Variants in NLRC5 observed in about 807,000 individuals in gnomAD.
NLRC5 encodes protein NLRC5.
Under a neutral mutation model 206.9 loss-of-function variants are expected in NLRC5, and 114 were observed. That is an observed-to-expected ratio of 0.55 (90% confidence interval 0.47 to 0.64). The LOEUF is 0.64. Ranked by LOEUF, NLRC5 falls within the 30% of genes least tolerant of loss-of-function variation. The probability of loss-of-function intolerance (pLI) is 0.00; values close to 1 mark genes in which losing one functional copy is unlikely to be tolerated. For synonymous variants in NLRC5, 952 were observed against 962.8 expected (o/e 0.99, Z 0.21); for missense variants, 2,008 against 2,305.5 (o/e 0.87, Z 2.64).
At chr16:57,043,458 A>G (rs1471589215) in intron 19 of NLRC5, 57 bp from the exon 20 acceptor site, 1 of 1,339,552 alleles carries the variant, frequency 7.5e-7, no homozygotes, top group Non-Finnish European at 1.1e-6. Flanking sequence ...CCTGACCACA[A>G]AGAGGATGTG....
chr16:57,061,399 C>T, intron 30 of NLRC5, 49 bp from the exon 31 acceptor site: 1 of 1,555,456 alleles, frequency 6.4e-7, no homozygotes, highest in Non-Finnish European at 8.8e-7. Context: ...AGCTGAGCAG[C>T]AGTGCCCACA....
At chr16:57,055,851 G>A (rs895645063) in intron 27 of NLRC5, among the ~76,000 whole-genome samples, 4 of 152,200 alleles carry the variant, frequency 2.6e-5, no homozygotes, top group Admixed American at 1.3e-4. Context: ...TAAAAGTACC[G>A]GATGACTCTG....
At chr16:57,010,046 A>G (rs1276307049) in intron 1 of NLRC5, among the ~76,000 whole-genome samples, 8 of 152,188 alleles carry the variant, frequency 5.3e-5, no homozygotes, top group African/African-American at 1.9e-4. Context: ...TGGAAAATGA[A>G]GCCATCTTTG....
chr16:57,038,272 C>A lies in NLRC5; in HGVS notation c.2801+988C>A, dbSNP rs115559072. Among the ~76,000 whole-genome samples, 750 of 152,140 alleles carry A rather than the reference C, an allele frequency of 4.9e-3. 11 individuals carry two copies. The highest frequency in any genetic ancestry group is 0.017 in the African/African-American group (715 of 41,504). ...TTATTAAGTAAACATAAAGAAATTT[C>A]TTTAGAGACAGGATCTTGCTCTGTT... On this transcript the variant is annotated intron_variant, in intron 15 of 48. Coordinates refer to ENST00000688547, the MANE Select transcript of NLRC5 (RefSeq NM_001384950.1).
intron 32 of NLRC5, 112 bp downstream of exon 32, chr16:57,061,813 C>T (rs1341359883): frequency 6.5e-7 from 1 of 1,538,718 alleles, no homozygotes; most frequent in Admixed American, 2.0e-5. Context: ...CCTGTACCCA[C>T]AACCCTGCCA....
chr16:57,067,685 C>G, intron 35 of NLRC5, 51 bp from the exon 36 acceptor site: 1 of 1,563,894 alleles, frequency 6.4e-7, no homozygotes, highest in South Asian at 1.1e-5. Context: ...GTGATGACCT[C>G]TGAGGTGTGT....
At chr16:57,070,819 A>G (rs2067574321) in intron 38 of NLRC5, among the ~76,000 whole-genome samples, 1 of 141,108 alleles carries the variant, frequency 7.1e-6, no homozygotes, top group Non-Finnish European at 1.5e-5. Context: ...TTAATGGGGA[A>G]TGGGGTGAGT....
chr16:56,990,235 C>A (rs1313620509), intron 1 of NLRC5, among the ~76,000 whole-genome samples: 14 of 152,136 alleles, frequency 9.2e-5, no homozygotes, highest in African/African-American at 3.4e-4. Flanking sequence ...CCAATCTCCA[C>A]CGCTGGTTAT....
intron 8 of NLRC5, 68 bp from the exon 9 acceptor site, chr16:57,029,705 C>A: frequency 7.2e-7 from 1 of 1,384,484 alleles, no homozygotes; most frequent in Non-Finnish European, 1.0e-6. Context: ...CATCCTGTCA[C>A]TTGCTAACTG....
chr16:57,003,516 C>T (rs2058544401), intron 1 of NLRC5, among the ~76,000 whole-genome samples: 1 of 152,180 alleles, frequency 6.6e-6, no homozygotes, highest in African/African-American at 2.4e-5. Flanking sequence ...GTGGGTGACA[C>T]CTGCATCCTT....
chr16:57,061,337 G>T, intron 30 of NLRC5, 111 bp from the exon 31 acceptor site: 1 of 1,046,734 alleles, frequency 9.6e-7, no homozygotes, highest in South Asian at 1.5e-5. Context: ...CCAGGCCTTT[G>T]CCCTCAGAGG....
chr16:57,067,659 G>C (rs2067217225), intron 35 of NLRC5, 77 bp from the exon 36 acceptor site: 1 of 1,469,798 alleles, frequency 6.8e-7, no homozygotes, highest in Non-Finnish European at 9.5e-7. Flanking sequence ...TCCTCTCTTG[G>C]CACCCCCTTC....
chr16:57,013,142 C>A, intron 1 of NLRC5: 1 of 340,014 alleles, frequency 2.9e-6, no homozygotes, highest in Non-Finnish European at 5.7e-6. Context: ...AACTCAAAAT[C>A]TTCATAGGAT....
chr16:57,043,400 C>A, intron 19 of NLRC5, 115 bp from the exon 20 acceptor site: 1 of 822,438 alleles, frequency 1.2e-6, no homozygotes, highest in South Asian at 1.4e-5. Flanking sequence ...ATCTTGGGTT[C>A]AGTGGGTTCC....
chr16:56,997,072 A>G (rs1184632423), intron 1 of NLRC5, among the ~76,000 whole-genome samples: 1 of 152,040 alleles, frequency 6.6e-6, no homozygotes, highest in African/African-American at 2.4e-5. Context: ...GATTTTCACC[A>G]TGTTGCCCTG....
At chr16:57,050,795 G>A (rs917280155) in intron 23 of NLRC5, among the ~76,000 whole-genome samples, 1 of 152,220 alleles carries the variant, frequency 6.6e-6, no homozygotes, top group African/African-American at 2.4e-5. Flanking sequence ...CTGACCTGTT[G>A]TATGCTGAAT....
chr16:57,059,666 T>C lies in NLRC5; in HGVS notation c.3986+134T>C, dbSNP rs2066159821. 6 of 819,470 alleles carry C rather than the reference T, an allele frequency of 7.3e-6. No homozygotes were observed. In the East Asian group the frequency reaches 1.5e-4, roughly 21 times the overall value. 50.8% of individuals were successfully genotyped at this position (819,470 alleles called of 1,614,324 possible). A position where few individuals can be genotyped will look rare whatever the true frequency, so the allele number is the denominator to read the frequency against. On this transcript the variant is annotated intron_variant, in intron 30 of 48. Coordinates refer to ENST00000688547, the MANE Select transcript of NLRC5 (RefSeq NM_001384950.1). The stretch of plus-strand genomic sequence containing the variant: ...CAGCTTCAAGCTCACTGCCTGGGTC[T>C]GTTCCTCCAGATCTGCCCCCGATGC...
chr16:57,065,140 G>T, intron 32 of NLRC5, 72 bp from the exon 33 acceptor site: 1 of 1,034,522 alleles, frequency 9.7e-7, no homozygotes, highest in South Asian at 3.0e-5. Context: ...CTCCTCCCCC[G>T]GCCCCGTCAT....
intron 16 of NLRC5, 31 bp from the exon 17 acceptor site, chr16:57,040,619 G>A (rs781525942): frequency 6.2e-7 from 1 of 1,609,186 alleles, no homozygotes; most frequent in South Asian, 1.1e-5. Context: ...CATGGCCTTT[G>A]CTCAGCCTGG....
Sources: gnomAD v4.1 joint callset for allele counts (sites outside exome capture counted in the v4.1 genomes callset) on GRCh38, gnomAD v4.1.1 for gene constraint, MANE v1.5 for transcripts, NCBI Gene and HGNC (gene_info 2026-07-23, HGNC 2026-07-21) for gene names.